The following GCLC variants were observed in gnomAD, a reference collection of about 807,000 sequenced individuals.
GCLC encodes the protein glutamate--cysteine ligase catalytic subunit.
In GCLC, 30 loss-of-function variants were observed where a neutral mutation model predicts 81.5. The ratio of observed to expected loss-of-function variants is 0.37; its 90% CI spans 0.28 to 0.50. The LOEUF (loss-of-function observed/expected upper bound fraction) is 0.50, where lower values mean the gene tolerates loss of function less well. Ranked by LOEUF, GCLC falls within the 20% of genes least tolerant of loss-of-function variation. GCLC has a pLI of 0.96. For synonymous variants in GCLC, 262 were observed against 273.3 expected (o/e 0.96, Z 0.41); for missense variants, 556 against 777.4 (o/e 0.72, Z 3.39).
chr6:53,509,437 A>T, intron 6 of GCLC, 187 bp from the exon 7 acceptor site: 1 of 640,590 alleles, frequency 1.6e-6, no homozygotes, highest in Non-Finnish European at 2.8e-6. Context: ...AATGGTATTT[A>T]ATTATGTTCC....
intron 2 of GCLC, among the ~76,000 whole-genome samples, chr6:53,522,083 C>CA: frequency 6.6e-6 from 1 of 152,256 alleles, no homozygotes; most frequent in African/African-American, 2.4e-5. Context: ...CATTTTTTCC[C>CA]AAAAATGTTT....
At chr6:53,539,248 C>T (rs1763311227) in intron 1 of GCLC, among the ~76,000 whole-genome samples, 2 of 152,214 alleles carry the variant, frequency 1.3e-5, no homozygotes, top group Admixed American at 1.3e-4. Context: ...TACCTCTCCT[C>T]ATCCTGGGGC....
At chr6:53,504,604 G>A (rs1027919879) in intron 12 of GCLC, among the ~76,000 whole-genome samples, 12 of 152,202 alleles carry the variant, frequency 7.9e-5, no homozygotes, top group African/African-American at 2.7e-4. Flanking sequence ...GGTGTGAGGA[G>A]CAGGCAGGGA....
At chr6:53,508,784 TA>T in intron 7 of GCLC, 73 bp from the exon 8 acceptor site, 3 of 995,212 alleles carry the variant, frequency 3.0e-6, no homozygotes, top group Non-Finnish European at 4.8e-6. Context: ...TCCATGCAGT[TA>T]TATTTCTGAT....
At chr6:53,514,809 C>T (rs1199909282) in intron 4 of GCLC, among the ~76,000 whole-genome samples, 1 of 152,222 alleles carries the variant, frequency 6.6e-6, no homozygotes, top group Non-Finnish European at 1.5e-5. Context: ...GGTCTGCTTT[C>T]ACTGTTTGCA....
Position 53,506,403 on chromosome 6 carries a change from T to C in GCLC, c.1198-508A>G, listed in dbSNP as rs777379235. 2.8e-4 allele frequency: 61 copies of C among 217,140 alleles called. No individual in the cohort carries two copies. The highest frequency in any genetic ancestry group is 4.5e-4 in the Non-Finnish European group (49 of 108,740). The allele number at this position is 217,140 out of a possible 1,614,324, so 13.5% of individuals were successfully genotyped here. A position where few individuals can be genotyped will look rare whatever the true frequency, so the allele number is the denominator to read the frequency against. ...CCGTCCTGACCATCTTGGGACCCGATGGCAAGACTGGAAGGATTTATATCT... is the reference window on the plus strand; with the variant it reads ...CCGTCCTGACCATCTTGGGACCCGACGGCAAGACTGGAAGGATTTATATCT... On this transcript the variant is annotated intron_variant, in intron 10 of 15. Coordinates refer to ENST00000650454, the MANE Select transcript of GCLC (RefSeq NM_001498.4). The surrounding 1 kb of genome is among the most constrained non-coding windows in gnomAD (Gnocchi z 4.0).
intron 1 of GCLC, among the ~76,000 whole-genome samples, chr6:53,542,142 C>T (rs762881834): frequency 3.9e-5 from 6 of 152,186 alleles, no homozygotes; most frequent in Non-Finnish European, 7.3e-5. Context: ...CGGGCCACCA[C>T]GCCCAGCCAT....
At chr6:53,538,773 T>C (rs1763302330) in intron 1 of GCLC, among the ~76,000 whole-genome samples, 1 of 152,240 alleles carries the variant, frequency 6.6e-6, no homozygotes, top group Non-Finnish European at 1.5e-5. Flanking sequence ...CATGGACTTT[T>C]CTGCTAACTA....
chr6:53,506,256 G>T lies in GCLC; in HGVS notation c.1198-361C>A. On this transcript the variant is annotated intron_variant, in intron 10 of 15. Transcript: ENST00000650454. The surrounding 1 kb of genome is among the most constrained non-coding windows in gnomAD (Gnocchi z 4.0). The stretch of plus-strand genomic sequence containing the variant: ...GGTGACACTGGACACTTTCATCTGA[G>T]AACCCTGTCACATGACAGTTGTTTC... 3.1e-6 allele frequency: 1 copy of T among 325,384 alleles called. No homozygotes were observed. The highest frequency in any genetic ancestry group is 5.9e-6 in the Non-Finnish European group (1 of 169,216). The allele number at this position is 325,384 out of a possible 1,614,324, so 20.2% of individuals were successfully genotyped here.
Position 53,525,849 on chromosome 6 carries a change from C to T in GCLC, c.151-3322G>A, listed in dbSNP as rs112119481. Among the ~76,000 whole-genome samples the T allele has an allele frequency of 3.7e-3, 556 of 152,298 alleles. 2 individuals carry two copies. Among genetic ancestry groups the T allele is most frequent in the African/African-American group, 0.013 (528 of 41,572 alleles). On this transcript the variant is annotated intron_variant, in intron 1 of 15. Coordinates refer to ENST00000650454, the MANE Select transcript of GCLC (RefSeq NM_001498.4). The stretch of plus-strand genomic sequence containing the variant: ...ATGCCCTGAAGGTGACTCTGGGATA[C>T]TGTTTTTTGGCACCCATCAGTTATC...
At chr6:53,530,184 C>T (rs895833523) in intron 1 of GCLC, among the ~76,000 whole-genome samples, 5 of 152,184 alleles carry the variant, frequency 3.3e-5, no homozygotes, top group African/African-American at 9.7e-5. Context: ...TGGGGGTCAC[C>T]TATGCCTCCA....
intron 1 of GCLC, among the ~76,000 whole-genome samples, chr6:53,531,779 C>T (rs986270979): frequency 7.2e-5 from 11 of 152,340 alleles, no homozygotes; most frequent in African/African-American, 2.6e-4. Context: ...AGGGGTGCTA[C>T]CCACCCTGGT....
At chr6:53,499,355 C>T (rs1041309251) in intron 15 of GCLC, among the ~76,000 whole-genome samples, 2 of 152,126 alleles carry the variant, frequency 1.3e-5, no homozygotes, top group Non-Finnish European at 2.9e-5. Flanking sequence ...CTGTAGGGTC[C>T]TTGAGCGATC....
intron 1 of GCLC, among the ~76,000 whole-genome samples, chr6:53,523,047 G>A (rs991450022): frequency 5.3e-5 from 8 of 152,204 alleles, no homozygotes; most frequent in Admixed American, 2.0e-4. Context: ...TAAATATACC[G>A]TGTGGAGAAG....
At chr6:53,504,225 T>A (rs1175825280) in intron 12 of GCLC, among the ~76,000 whole-genome samples, 1 of 152,136 alleles carries the variant, frequency 6.6e-6, no homozygotes, top group Non-Finnish European at 1.5e-5. Context: ...CAGTTGCTTT[T>A]TTTTTTCAAG....
intron 1 of GCLC, among the ~76,000 whole-genome samples, chr6:53,541,643 G>A (rs1381908986): frequency 2.0e-5 from 3 of 151,960 alleles, no homozygotes; most frequent in Admixed American, 2.0e-4. Flanking sequence ...AGGAACTTGT[G>A]GAAAACAAAA....
At chr6:53,539,397 CA>C (rs1379470650) in intron 1 of GCLC, among the ~76,000 whole-genome samples, 1 of 152,140 alleles carries the variant, frequency 6.6e-6, no homozygotes, top group Non-Finnish European at 1.5e-5. Flanking sequence ...GAGCTTCTCA[CA>C]GGAAAATACC....
chr6:53,507,846 A>T (rs1764647011), intron 8 of GCLC, among the ~76,000 whole-genome samples: 1 of 152,190 alleles, frequency 6.6e-6, no homozygotes. Flanking sequence ...AAAGCAGATC[A>T]CTTTCATTCT....
At chr6:53,509,410 G>C in intron 6 of GCLC, 160 bp from the exon 7 acceptor site, 1 of 668,688 alleles carries the variant, frequency 1.5e-6, no homozygotes, top group South Asian at 1.6e-5. Context: ...AGTTGTCTTA[G>C]GTGAATTTAA....
Sources: gnomAD v4.1 joint callset for allele counts (sites outside exome capture counted in the v4.1 genomes callset) on GRCh38, gnomAD v4.1.1 for gene constraint, Gnocchi (gnomAD v3.1) non-coding constraint, MANE v1.5 for transcripts, NCBI Gene and HGNC (gene_info 2026-07-23, HGNC 2026-07-21) for gene names.